The following CCDC7 variants were observed in gnomAD, a reference collection of about 807,000 sequenced individuals.
The protein encoded by CCDC7 is coiled-coil domain-containing protein 7.
CCDC7 carries 183 observed loss-of-function variants against 196.9 expected under a neutral mutation model. The ratio of observed to expected loss-of-function variants is 0.93; its 90% CI spans 0.82 to 1.05. The LOEUF (loss-of-function observed/expected upper bound fraction) is 1.05. Ranked by LOEUF, CCDC7 falls within the 50% of genes least tolerant of loss-of-function variation. The probability of loss-of-function intolerance (pLI) is 0.00; values close to 1 mark genes in which losing one functional copy is unlikely to be tolerated. For synonymous variants in CCDC7, 525 were observed against 484.6 expected, an observed-to-expected ratio of 1.08 and a Z score of -1.10; for missense variants, 1,540 against 1,482.2, an observed-to-expected ratio of 1.04 and a Z score of -0.64.
At chr10:32,516,788 TA>T (rs1383420818) in intron 9 of CCDC7, among the ~76,000 whole-genome samples, 1 of 152,212 alleles carries the variant, frequency 6.6e-6, no homozygotes, top group Admixed American at 6.5e-5. Flanking sequence ...AGAGTCTGCA[TA>T]TGATTCAGAA....
chr10:32,571,032 GTC>G, intron 15 of CCDC7, among the ~76,000 whole-genome samples: 1 of 132,302 alleles, frequency 7.6e-6, no homozygotes, highest in South Asian at 2.5e-4. Context: ...TTGAGAGAGA[GTC>G]TCACTCTGTT....
chr10:32,666,833 C>T (rs2072869868), intron 21 of CCDC7, among the ~76,000 whole-genome samples: 1 of 152,094 alleles, frequency 6.6e-6, no homozygotes, highest in African/African-American at 2.4e-5. Flanking sequence ...CCACAATAAA[C>T]ATACGTGTGC....
upstream of CCDC7, among the ~76,000 whole-genome samples, chr10:32,447,209 G>A (rs948680131): frequency 5.9e-5 from 9 of 152,128 alleles, no homozygotes; most frequent in African/African-American, 1.9e-4. Flanking sequence ...TGAAATTGTT[G>A]CCGTTCTTCA....
chr10:32,781,584 A>G (rs532133572), intron 29 of CCDC7, among the ~76,000 whole-genome samples: 1 of 152,316 alleles, frequency 6.6e-6, no homozygotes, highest in African/African-American at 2.4e-5. Flanking sequence ...GATGCAGACA[A>G]AGCATTTGAC....
At chr10:32,470,488 G>A (rs1011915344) in intron 5 of CCDC7, among the ~76,000 whole-genome samples, 2 of 152,024 alleles carry the variant, frequency 1.3e-5, no homozygotes, top group Admixed American at 6.6e-5. Context: ...AGTAATTATG[G>A]TCATCTTATT....
exon 32 of CCDC7, chr10:32,824,536 A>G (rs751765123): frequency 1.9e-6 from 3 of 1,609,520 alleles, no homozygotes; most frequent in Admixed American, 1.7e-5. Flanking sequence ...GAACGATTGC[A>G]TAGTACAACT....
Position 32,726,793 on chromosome 10 carries a change from GA to G in CCDC7, c.2633del (p.Lys878ArgfsTer4), listed in dbSNP as rs1158590329. 1.9e-6 allele frequency: 3 copies of G among 1,600,024 alleles called. No individual in the cohort carries two copies. In the Admixed American group the frequency reaches 5.1e-5, roughly 27 times the overall value. ...TTCAGTGTCAAAACTCCAAATGCAA[GA>G]AAAGAAAAAAATAACTCCTGGAAGG... On this transcript the variant is annotated frameshift_variant, in exon 26 of 42. Transcript: ENST00000639629. LOFTEE classifies it high-confidence loss of function.
chr10:32,826,820 A>G (rs2091193783), intron 32 of CCDC7, among the ~76,000 whole-genome samples: 1 of 152,242 alleles, frequency 6.6e-6, no homozygotes, highest in Non-Finnish European at 1.5e-5. Flanking sequence ...CTCAGTGGAC[A>G]GAACTTCGAG....
chr10:32,484,076 T>C (rs1405427097), intron 8 of CCDC7, among the ~76,000 whole-genome samples: 2 of 152,236 alleles, frequency 1.3e-5, no homozygotes, highest in Non-Finnish European at 2.9e-5. Flanking sequence ...AATCTATAAA[T>C]TACCTTGGGC....
At chr10:32,637,799 G>A (rs1335118102) in intron 20 of CCDC7, among the ~76,000 whole-genome samples, 1 of 152,154 alleles carries the variant, frequency 6.6e-6, no homozygotes, top group Non-Finnish European at 1.5e-5. Flanking sequence ...GGATGGCCTT[G>A]AATCTATAAA....
At chr10:32,780,427 A>T (rs2080859234) in intron 29 of CCDC7, among the ~76,000 whole-genome samples, 1 of 152,218 alleles carries the variant, frequency 6.6e-6, no homozygotes, top group Non-Finnish European at 1.5e-5. Context: ...ATATATAAAA[A>T]TAATTACAAA....
At chr10:32,821,564 A>C (rs938543069) in intron 31 of CCDC7, among the ~76,000 whole-genome samples, 1 of 152,210 alleles carries the variant, frequency 6.6e-6, no homozygotes, top group Non-Finnish European at 1.5e-5. Flanking sequence ...AACCAACCCA[A>C]ATGTCCAACA....
chr10:32,513,588 A>T (rs1412104738), intron 9 of CCDC7: 1 of 152,200 alleles, frequency 6.6e-6, no homozygotes, highest in East Asian at 1.9e-4. Flanking sequence ...GAATATGAAC[A>T]TGAAAATCCT....
At position 32,664,053 on chromosome 10, in the gene CCDC7, G is replaced by T. The variant is rs1205968650; in HGVS notation, c.2015-1G>T. On this transcript the variant is annotated splice_acceptor_variant, in intron 20 of 41. Coordinates refer to ENST00000639629, the Ensembl canonical transcript of CCDC7. LOFTEE classifies it high-confidence loss of function. ...TGCACTAAATTTATTAATTTGTGTAGCTCATAATGATGTACCAGAAGAAAA... is the reference window on the plus strand; with the variant it reads ...TGCACTAAATTTATTAATTTGTGTATCTCATAATGATGTACCAGAAGAAAA... 1 of 395,970 alleles carries T rather than the reference G, an allele frequency of 2.5e-6. No homozygotes were observed. Among genetic ancestry groups the T allele is most frequent in the African/African-American group, 2.1e-5 (1 of 48,486 alleles). The allele number at this position is 395,970 out of a possible 1,614,324, so 24.5% of individuals were successfully genotyped here. A position where few individuals can be genotyped will look rare whatever the true frequency, so the allele number is the denominator to read the frequency against.
At position 32,845,780 on chromosome 10, in the gene CCDC7, CACACACACACACACAT is replaced by C. The variant is rs1282453220; in HGVS notation, c.3521-82_3521-67del. The C allele has an allele frequency of 2.7e-5, 29 of 1,057,156 alleles. No individual in the cohort carries two copies. The Admixed American group carries it at 4.8e-4, about 18-fold the overall frequency. The allele number at this position is 1,057,156 out of a possible 1,614,324, so 65.5% of individuals were successfully genotyped here. On this transcript the variant is annotated intron_variant, in intron 35 of 41. Coordinates refer to ENST00000639629, the Ensembl canonical transcript of CCDC7. ...ACCCTTCCATAATTACACACACACA[CACACACACACACACAT>C]ACACACACACACAGATACACACAGA...
chr10:32,668,687 A>G (rs1050821000), intron 21 of CCDC7, among the ~76,000 whole-genome samples: 1 of 152,014 alleles, frequency 6.6e-6, no homozygotes, highest in Non-Finnish European at 1.5e-5. Context: ...TGATTTGTGT[A>G]TGTTGAACCA....
At chr10:32,802,466 C>T (rs2084993926) in intron 29 of CCDC7, among the ~76,000 whole-genome samples, 1 of 152,084 alleles carries the variant, frequency 6.6e-6, no homozygotes, top group Non-Finnish European at 1.5e-5. Context: ...TCCAGAAACC[C>T]CAAAGGCAAC....
chr10:32,611,755 C>A (rs1288770144), intron 18 of CCDC7, among the ~76,000 whole-genome samples: 1 of 152,088 alleles, frequency 6.6e-6, no homozygotes, highest in African/African-American at 2.4e-5. Context: ...TTTCTGAGGC[C>A]TGTGTTCTGC....
intron 18 of CCDC7, among the ~76,000 whole-genome samples, chr10:32,589,814 T>C (rs1335121085): frequency 6.6e-6 from 1 of 152,184 alleles, no homozygotes; most frequent in African/African-American, 2.4e-5. Flanking sequence ...CTCCTCTTTG[T>C]CTCTTCTTAT....
Sources: gnomAD v4.1 joint callset for allele counts (sites outside exome capture counted in the v4.1 genomes callset) on GRCh38, gnomAD v4.1.1 for gene constraint, MANE v1.5 for transcripts, NCBI Gene and HGNC (gene_info 2026-07-23, HGNC 2026-07-21) for gene names.